VIRMA: variants seen among roughly 807,000 people sequenced by gnomAD.
The protein encoded by VIRMA is protein virilizer homolog.
VIRMA carries 65 observed loss-of-function variants against 182.4 expected under a neutral mutation model. The observed-to-expected ratio is 0.36, with a 90% CI of 0.29 to 0.44. The LOEUF (loss-of-function observed/expected upper bound fraction) is 0.44, where lower values mean the gene tolerates loss of function less well. VIRMA is among the 20% of genes least tolerant of loss of function. The pLI, the probability that VIRMA is intolerant of heterozygous loss-of-function variation, is 1.00. For missense variants in VIRMA, 1,752 were observed against 2,158.1 expected, an observed-to-expected ratio of 0.81 and a Z score of 3.73; for synonymous variants, 709 against 743.1, an observed-to-expected ratio of 0.95 and a Z score of 0.75.
At chr8:94,545,143 AAAAC>A (rs1389516632) in intron 1 of VIRMA, among the ~76,000 whole-genome samples, 2 of 152,210 alleles carry the variant, frequency 1.3e-5, no homozygotes, top group Non-Finnish European at 2.9e-5. Flanking sequence ...GGAAAAAAGA[AAAAC>A]AAACAAAAAA....
rs1016925414 is a variant in VIRMA at position 94,487,711 on chromosome 8, T to C, written c.*995A>G. 1 of 152,210 alleles carries C rather than the reference T, an allele frequency of 6.6e-6. No individual in the cohort carries two copies. The highest frequency in any genetic ancestry group is 2.4e-5 in the African/African-American group (1 of 41,458). The allele number at this position is 152,210 out of a possible 1,614,324, so 9.4% of individuals were successfully genotyped here. Reference sequence around the variant, plus strand: ...TCCTTTTCTGATTAAGATAACTCTGTATTTTACGCCACTTATATAGACTCA... The same window carrying C: ...TCCTTTTCTGATTAAGATAACTCTGCATTTTACGCCACTTATATAGACTCA... On this transcript the variant is annotated 3_prime_UTR_variant, in exon 24 of 24. Coordinates refer to ENST00000297591, the MANE Select transcript of VIRMA (RefSeq NM_015496.5).
At chr8:94,506,428 T>C in intron 16 of VIRMA, 72 bp downstream of exon 16, 3 of 924,048 alleles carry the variant, frequency 3.2e-6, no homozygotes, top group South Asian at 3.3e-5. Context: ...TATGAATTAA[T>C]GTGGGGTGAA....
At chr8:94,497,349 C>T (rs1813814731) in intron 17 of VIRMA, 1 of 152,158 alleles carries the variant, frequency 6.6e-6, no homozygotes, top group Non-Finnish European at 1.5e-5. Flanking sequence ...GCAATCCTCC[C>T]ACCTCAACCT....
chr8:94,520,006 C>T (rs537035683), intron 8 of VIRMA, among the ~76,000 whole-genome samples: 13 of 151,932 alleles, frequency 8.6e-5, no homozygotes, highest in African/African-American at 2.9e-4. Context: ...AGGCCAGGAG[C>T]TCAAGACCAG....
rs536175571 is a variant in VIRMA, at chr8:94,499,595, TA to T, written c.4098-90del. The T allele has an allele frequency of 5.4e-5, 48 of 882,872 alleles. 1 individual carries two copies. In the South Asian group the frequency reaches 9.8e-4, roughly 18 times the overall value. The allele number at this position is 882,872 out of a possible 1,614,324, so 54.7% of individuals were successfully genotyped here. ...ATAAATGAACTCACTTCAGACAGAA[TA>T]AAACTTACTCCATCATTTTTAAAAA... On this transcript the variant is annotated intron_variant, in intron 16 of 23. Transcript: ENST00000297591.
Position 94,529,150 on chromosome 8 carries a change from T to C in VIRMA, c.800A>G (p.Asp267Gly), listed in dbSNP as rs745793449. 1 of 1,361,354 alleles carries C rather than the reference T, an allele frequency of 7.3e-7. No individual in the cohort carries two copies. Among genetic ancestry groups the C allele is most frequent in the Non-Finnish European group, 1.1e-6 (1 of 950,954 alleles). 84.3% of individuals were successfully genotyped at this position (1,361,354 alleles called of 1,614,324 possible). ...AGGAATACTGTCTACTGTTCGTCGA[T>C]CATCCTCATCCTCATCCTCTTCTTC... is the stretch of plus-strand genomic sequence containing the variant. ...VEEEEDEDEDDRRTVDSIPEE... is the reference protein window; with the variant it reads ...VEEEEDEDEDGRRTVDSIPEE... Residue 267 changes from aspartate (D) to glycine (G), a missense_variant, in exon 7 of 24, where the codon GAT becomes GGT. By Grantham distance (94) the Asp-to-Gly change is moderately conservative. Coordinates refer to ENST00000297591, the MANE Select transcript of VIRMA (RefSeq NM_015496.5).
chr8:94,521,055 A>T (rs943051497), intron 8 of VIRMA, among the ~76,000 whole-genome samples: 34 of 136,892 alleles, frequency 2.5e-4, no homozygotes, highest in Non-Finnish European at 2.0e-4. Context: ...TTTTTTTTTT[A>T]AATTTTTTAG....
intron 8 of VIRMA, among the ~76,000 whole-genome samples, chr8:94,521,075 A>C (rs987843559): frequency 1.3e-5 from 2 of 151,432 alleles, no homozygotes; most frequent in Non-Finnish European, 2.9e-5. Flanking sequence ...GTTCTGGAGT[A>C]CATGTGCAGA....
chr8:94,552,183 TGTC>T (rs1816012502), intron 1 of VIRMA, among the ~76,000 whole-genome samples: 1 of 152,254 alleles, frequency 6.6e-6, no homozygotes, highest in African/African-American at 2.4e-5. Context: ...ATAAATTAAC[TGTC>T]AGTAAGAAAT....
chr8:94,530,912 A>T lies in VIRMA; in HGVS notation c.607+51T>A, dbSNP rs547935581. On this transcript the variant is annotated intron_variant, in intron 6 of 23. Coordinates refer to ENST00000297591, the MANE Select transcript of VIRMA (RefSeq NM_015496.5). The stretch of plus-strand genomic sequence containing the variant: ...TGAGACCATCTCAAAACAAAAACAA[A>T]AATGTACTATTAACTAGGGGGGAAA... The T allele has an allele frequency of 8.3e-6, 13 of 1,570,068 alleles. No individual in the cohort carries two copies. The African/African-American group carries it at 1.2e-4, about 15-fold the overall frequency.
At chr8:94,500,605 A>G (rs1036105287) in intron 16 of VIRMA, among the ~76,000 whole-genome samples, 5 of 151,116 alleles carry the variant, frequency 3.3e-5, no homozygotes, top group Non-Finnish European at 5.9e-5. Flanking sequence ...ATACACTGCT[A>G]GTGGGAATGA....
Position 94,526,360 on chromosome 8 carries a change from A to T in VIRMA, c.1884T>A (p.Ile628=). 6.2e-7 allele frequency: 1 copy of T among 1,614,146 alleles called. No homozygotes were observed. The highest frequency in any genetic ancestry group is 1.7e-5 in the Admixed American group (1 of 60,026). Residue 628 remains isoleucine, a synonymous_variant, in exon 8 of 24, where the codon ATT becomes ATA. Coordinates refer to ENST00000297591, the MANE Select transcript of VIRMA (RefSeq NM_015496.5). ...AATGAAAAACTTCTTCTAGGAGGTT[A>T]ATAAGCCTTTCTATTTCCCCTTCAC... ...NISEGEIERL[I]NLLEEVFHLM... is the part of the protein sequence containing the mutation.
chr8:94,504,151 G>A (rs1272437103), intron 16 of VIRMA, among the ~76,000 whole-genome samples: 1 of 151,648 alleles, frequency 6.6e-6, no homozygotes, highest in Admixed American at 6.6e-5. Context: ...TCCAACCCGG[G>A]CGATAGAGCA....
Position 94,503,332 on chromosome 8 carries a change from A to C in VIRMA, c.4097+3168T>G, listed in dbSNP as rs149355038. Among the ~76,000 whole-genome samples the C allele has an allele frequency of 3.5e-3, 538 of 152,382 alleles. 1 individual carries two copies. The highest frequency in any genetic ancestry group is 5.0e-3 in the Admixed American group (76 of 15,306). The stretch of plus-strand genomic sequence containing the variant: ...GCACTTCAGCCAAGTGATCAAGGTC[A>C]GTATCATCAGTAATATATAGAAACA... On this transcript the variant is annotated intron_variant, in intron 16 of 23. Transcript: ENST00000297591.
rs143106267 is a variant in VIRMA at position 94,492,678 on chromosome 8, G to T, written c.4782C>A (p.His1594Gln). Residue 1594 changes from histidine to glutamine, a missense_variant, in exon 21 of 24, where the codon CAC (histidine) becomes CAA (glutamine). Around this residue, in one of 11 missense-constraint regions of VIRMA, gnomAD observed 777 missense variants for 920.6 expected, o/e 0.84. Coordinates refer to ENST00000297591, the MANE Select transcript of VIRMA (RefSeq NM_015496.5). ...KTTKGFKLGK[H>Q]KHETFITSSG... is the part of the protein sequence containing the mutation. ...TTGACGTTATAAAGGTCTCATGCTTGTGCTTCCCAAGTTTGAATCCTTTAG... is the reference window on the plus strand; with the variant it reads ...TTGACGTTATAAAGGTCTCATGCTTTTGCTTCCCAAGTTTGAATCCTTTAG... 4 of 1,613,760 alleles carry T rather than the reference G, an allele frequency of 2.5e-6. No homozygotes were observed. Among genetic ancestry groups the T allele is most frequent in the Admixed American group, 1.7e-5 (1 of 59,966 alleles).
chr8:94,489,551 C>T (rs1813546549), intron 23 of VIRMA, among the ~76,000 whole-genome samples: 1 of 152,148 alleles, frequency 6.6e-6, no homozygotes, highest in South Asian at 2.1e-4. Context: ...AAGACCTCTC[C>T]TCCTCTTCCT....
chr8:94,496,605 G>C (rs1813787241), intron 17 of VIRMA, 125 bp from the exon 18 acceptor site: 11 of 679,394 alleles, frequency 1.6e-5, no homozygotes, highest in Admixed American at 3.2e-5. Context: ...TTTTACATCA[G>C]TACAAATGGC....
At chr8:94,525,433 G>A (rs1814928274) in intron 8 of VIRMA, among the ~76,000 whole-genome samples, 2 of 152,234 alleles carry the variant, frequency 1.3e-5, no homozygotes, top group African/African-American at 4.8e-5. Context: ...CCAAGACTTT[G>A]ACTCAAGTTA....
rs1216956333 is a variant in VIRMA, at chr8:94,518,402, C to G, written c.2514-460G>C. Among the ~76,000 whole-genome samples, 3 of 152,114 alleles carry G rather than the reference C, an allele frequency of 2.0e-5. No homozygotes were observed. The East Asian group carries it at 5.8e-4, about 29-fold the overall frequency. The stretch of plus-strand genomic sequence containing the variant: ...ATTGCTGTTTGCTTTTCATAAGCAC[C>G]CCACAAAAGATCTGTCACTCAAGGA... On this transcript the variant is annotated intron_variant, in intron 9 of 23. Transcript: ENST00000297591.
Sources: gnomAD v4.1 joint callset for allele counts (sites outside exome capture counted in the v4.1 genomes callset) on GRCh38, gnomAD v4.1.1 for gene constraint, gnomAD v4.1.1 regional missense constraint, MANE v1.5 for transcripts, NCBI Gene and HGNC (gene_info 2026-07-23, HGNC 2026-07-21) for gene names.